Variants in CLMP observed in about 807,000 individuals in gnomAD.
The protein encoded by CLMP is CXADR like cell adhesion molecule, also known as CXADR-like membrane protein.
A neutral mutation model predicts 45.2 loss-of-function variants in CLMP; 27 were observed. The observed-to-expected ratio is 0.60, with a 90% confidence interval of 0.44 to 0.82. The LOEUF (loss-of-function observed/expected upper bound fraction) is 0.82, where lower values mean the gene tolerates loss of function less well. Ranked by LOEUF, CLMP falls within the 40% of genes least tolerant of loss-of-function variation. The pLI is 0.00. For missense variants in CLMP, 403 were observed against 448.4 expected, an observed-to-expected ratio of 0.90 and a Z score of 0.91; for synonymous variants, 167 against 171.4, an observed-to-expected ratio of 0.97 and a Z score of 0.20.
At chr11:123,127,222 A>C (rs141781338) in intron 1 of CLMP, among the ~76,000 whole-genome samples, 2 of 151,980 alleles carry the variant, frequency 1.3e-5, no homozygotes, top group Non-Finnish European at 2.9e-5. Context: ...CCTGGATTCA[A>C]GTGATTCTCC....
At chr11:123,107,534 A>ATT (rs370750162) in intron 1 of CLMP, among the ~76,000 whole-genome samples, 11,961 of 123,308 alleles carry the variant, frequency 0.097, 1,057 homozygotes, top group African/African-American at 0.22. Flanking sequence ...CCTGACCTAA[A>ATT]TTTTTTTTTT....
At chr11:123,160,370 A>G (rs1861470351) in intron 1 of CLMP, among the ~76,000 whole-genome samples, 2 of 151,704 alleles carry the variant, frequency 1.3e-5, no homozygotes, top group African/African-American at 2.4e-5. Flanking sequence ...GAAGATAGAT[A>G]CTGACATTTT....
intron 3 of CLMP, 58 bp from the exon 4 acceptor site, chr11:123,083,905 T>C (rs2135468797): frequency 1.3e-6 from 2 of 1,588,114 alleles, no homozygotes; most frequent in Non-Finnish European, 1.7e-6. Context: ...AAACACCAGA[T>C]TCAATGGAAA....
intron 5 of CLMP, among the ~76,000 whole-genome samples, chr11:123,076,681 T>C (rs1865744143): frequency 6.7e-6 from 1 of 150,062 alleles, no homozygotes; most frequent in African/African-American, 2.5e-5. Flanking sequence ...CAAGGGAGAG[T>C]AGAGGGAGAT....
intron 1 of CLMP, among the ~76,000 whole-genome samples, chr11:123,160,544 T>C (rs1803370627): frequency 1.3e-5 from 2 of 152,136 alleles, no homozygotes; most frequent in South Asian, 4.1e-4. Flanking sequence ...TTATGCAGAA[T>C]TATTTGGATT....
Position 123,072,418 on chromosome 11 carries a change from G to A in CLMP, c.*1056C>T, listed in dbSNP as rs552417646. 4 of 151,490 alleles carry A rather than the reference G, an allele frequency of 2.6e-5. No homozygotes were observed. The highest frequency in any genetic ancestry group is 9.7e-5 in the African/African-American group (4 of 41,182). The allele number at this position is 151,490 out of a possible 1,614,324, so 9.4% of individuals were successfully genotyped here. On this transcript the variant is annotated 3_prime_UTR_variant, in exon 7 of 7. Coordinates refer to ENST00000448775, the MANE Select transcript of CLMP (RefSeq NM_024769.5). ...CCACCTGCTGGATTTTCCTACAGGT[G>A]CCTGGCACCATGCCCGGCTACCTTC...
At chr11:123,113,300 T>C (rs536495396) in intron 1 of CLMP, among the ~76,000 whole-genome samples, 7 of 152,340 alleles carry the variant, frequency 4.6e-5, no homozygotes, top group African/African-American at 1.7e-4. Flanking sequence ...CAGAAATGAA[T>C]GACATTGTCT....
At chr11:123,126,880 G>A (rs554495204) in intron 1 of CLMP, among the ~76,000 whole-genome samples, 3 of 151,126 alleles carry the variant, frequency 2.0e-5, no homozygotes, top group African/African-American at 7.3e-5. Context: ...CTGGGCGAGA[G>A]TGCGAGACTC....
intron 1 of CLMP, among the ~76,000 whole-genome samples, chr11:123,145,628 A>G (rs1235250434): frequency 6.6e-6 from 1 of 151,820 alleles, no homozygotes; most frequent in African/African-American, 2.4e-5. Flanking sequence ...ATGCCTGGCT[A>G]ATTTTTTTTA....
At chr11:123,088,273 T>C (rs1269914132) in intron 2 of CLMP, among the ~76,000 whole-genome samples, 1 of 152,104 alleles carries the variant, frequency 6.6e-6, no homozygotes, top group African/African-American at 2.4e-5. Flanking sequence ...CTGGGATAGT[T>C]GGAAAAGAAG....
At chr11:123,128,035 C>CAAAAAAAAA (rs35399534) in intron 1 of CLMP, among the ~76,000 whole-genome samples, 2 of 91,864 alleles carry the variant, frequency 2.2e-5, no homozygotes, top group African/African-American at 9.4e-5. Context: ...GACTCTGTCT[C>CAAAAAAAAA]AAAAAAAAAA....
intron 1 of CLMP, among the ~76,000 whole-genome samples, chr11:123,118,165 T>C (rs149268771): frequency 0.022 from 3,412 of 152,286 alleles, 133 homozygotes; most frequent in African/African-American, 0.077. Flanking sequence ...AGTCTCTCTC[T>C]GTTGCCCAGG....
chr11:123,115,889 T>C (rs1860713310), intron 1 of CLMP, among the ~76,000 whole-genome samples: 1 of 152,176 alleles, frequency 6.6e-6, no homozygotes, highest in African/African-American at 2.4e-5. Context: ...AATCTGAGCA[T>C]GGCTTAGCTG....
rs73612481 is a variant in CLMP, at chr11:123,175,525, G to T, written c.28+19388C>A. On this transcript the variant is annotated intron_variant, in intron 1 of 6. Coordinates refer to ENST00000448775, the MANE Select transcript of CLMP (RefSeq NM_024769.5). ...GACACAGAGCCAAAGAATATCACAA[G>T]GTCTCACTATATCACCCAGGCTGAC... 3.6e-3 allele frequency among the ~76,000 whole-genome samples: 553 copies of T among 152,258 alleles called. 3 individuals are homozygous for T. Among genetic ancestry groups the T allele is most frequent in the African/African-American group, 0.013 (531 of 41,538 alleles).
rs79981388 is a variant in CLMP, at chr11:123,095,378, C to T, written c.186+2417G>A. On this transcript the variant is annotated intron_variant, in intron 2 of 6. Transcript: ENST00000448775. ...CTCGATCTCAGCTCCAAGCTATTCT[C>T]CTGCCTTGGCCTCCTGAGTAGCTGG... Among the ~76,000 whole-genome samples the T allele has an allele frequency of 2.0e-5, 3 of 152,132 alleles. No homozygotes were observed. The South Asian group carries it at 6.2e-4, about 32-fold the overall frequency.
chr11:123,104,910 T>C (rs1860520998), intron 1 of CLMP, among the ~76,000 whole-genome samples: 9 of 152,176 alleles, frequency 5.9e-5, no homozygotes, highest in Admixed American at 5.9e-4. Context: ...CAAAACTAAT[T>C]AGTGGCAGAA....
chr11:123,073,735 G>T lies in CLMP; in HGVS notation c.861C>A (p.Pro287=). Reference sequence around the variant, plus strand: ...TCCGAGAGCCTGAGGAAGAGGAGCTGGGTTTCACAAGACGGGCTTTTGGAG... The same window carrying T: ...TCCGAGAGCCTGAGGAAGAGGAGCTTGGTTTCACAAGACGGGCTTTTGGAG... ...AEAPKARLVK[P]SSSSSGSRSS... Residue 287 remains proline, a synonymous_variant, in exon 7 of 7, where the codon CCC becomes CCA. Transcript: ENST00000448775. The T allele has an allele frequency of 6.2e-7, 1 of 1,610,110 alleles. No individual in the cohort carries two copies. The highest frequency in any genetic ancestry group is 8.5e-7 in the Non-Finnish European group (1 of 1,178,098).
chr11:123,150,599 A>T (rs1861322333), intron 1 of CLMP, among the ~76,000 whole-genome samples: 1 of 144,052 alleles, frequency 6.9e-6, no homozygotes, highest in African/African-American at 2.6e-5. Flanking sequence ...GGAAGGAAGG[A>T]AGGAATGAAG....
chr11:123,127,011 T>C (rs1182426016), intron 1 of CLMP, among the ~76,000 whole-genome samples: 1 of 152,082 alleles, frequency 6.6e-6, no homozygotes, highest in East Asian at 1.9e-4. Flanking sequence ...TTATATTAAA[T>C]GTGATAAGTT....
Sources: gnomAD v4.1 joint callset for allele counts (sites outside exome capture counted in the v4.1 genomes callset) on GRCh38, gnomAD v4.1.1 for gene constraint, MANE v1.5 for transcripts, NCBI Gene and HGNC (gene_info 2026-07-23, HGNC 2026-07-21) for gene names.